Variants in CEP295 observed in about 807,000 individuals in gnomAD.
CEP295 encodes centrosomal protein of 295 kDa.
Under a neutral mutation model 291.6 loss-of-function variants are expected in CEP295, and 190 were observed. That is an observed-to-expected ratio of 0.65 (90% CI 0.58 to 0.73). CEP295 has a LOEUF of 0.73. CEP295 is among the 30% of genes least tolerant of loss of function. The probability of loss-of-function intolerance (pLI) is 0.00; values close to 1 mark genes in which losing one functional copy is unlikely to be tolerated. For synonymous variants in CEP295, 993 were observed against 1,038.8 expected, an observed-to-expected ratio of 0.96 and a Z score of 0.85; for missense variants, 2,863 against 2,949.4, an observed-to-expected ratio of 0.97 and a Z score of 0.68.
Position 93,729,978 on chromosome 11 carries a change from A to AT in CEP295, c.7667+9_7667+10insT. On this transcript the variant is annotated intron_variant, in intron 28 of 29. Coordinates refer to ENST00000325212, the MANE Select transcript of CEP295 (RefSeq NM_033395.2). Reference sequence around the variant, plus strand: ...CACCAAAGGGGTCTAAGGTAGGGTTAATTTTTTTTTTTTTTTTAGTGATTC... The same window carrying AT: ...CACCAAAGGGGTCTAAGGTAGGGTTATATTTTTTTTTTTTTTTTAGTGATTC... 1.4e-6 allele frequency: 2 copies of AT among 1,443,764 alleles called. No homozygotes were observed. Among genetic ancestry groups the AT allele is most frequent in the South Asian group, 1.3e-5 (1 of 75,588 alleles). 89.4% of individuals were successfully genotyped at this position (1,443,764 alleles called of 1,614,324 possible). A position where few individuals can be genotyped will look rare whatever the true frequency, so the allele number is the denominator to read the frequency against.
intron 2 of CEP295, 91 bp from the exon 3 acceptor site, chr11:93,667,516 G>T (rs1402265492): frequency 7.0e-6 from 6 of 851,152 alleles, no homozygotes; most frequent in Admixed American, 3.1e-5. Flanking sequence ...AGACTTAAGA[G>T]AATTCATTTG....
Position 93,698,701 on chromosome 11 carries a change from G to C in CEP295, c.3789G>C (p.Trp1263Cys). The C allele has an allele frequency of 6.4e-7, 1 of 1,551,144 alleles. No individual in the cohort carries two copies. The highest frequency in any genetic ancestry group is 8.7e-7 in the Non-Finnish European group (1 of 1,147,062). Residue 1263 changes from tryptophan (W) to cysteine (C), a missense_variant, in exon 15 of 30, where the codon TGG (tryptophan) becomes TGC (cysteine). By Grantham distance (215) the Trp-to-Cys change is radical. This residue lies in a region of CEP295 where 2,295 missense variants were observed against 2,335.7 expected (regional missense o/e 0.98). Coordinates refer to ENST00000325212, the MANE Select transcript of CEP295 (RefSeq NM_033395.2). ...LQDNLEEHQA[W>C]LDTEKEAFHF... ...ATAATTTGGAGGAACACCAAGCATG[G>C]CTAGACACTGAGAAAGAAGCCTTTC...
chr11:93,670,666 C>T (rs1336893300), intron 5 of CEP295, among the ~76,000 whole-genome samples: 1 of 152,064 alleles, frequency 6.6e-6, no homozygotes, highest in Non-Finnish European at 1.5e-5. Context: ...AACATTTGAT[C>T]CAACAAAATT....
rs573988986 is a variant in CEP295 at position 93,706,729 on chromosome 11, A to AT, written c.5597-10dup. Reference sequence around the variant, plus strand: ...TAGTTCCAGAAATTGAAGTGGAAATATTTTTTCCCCCCCAGGTAAACCAGG... The same window carrying AT: ...TAGTTCCAGAAATTGAAGTGGAAATATTTTTTTCCCCCCCAGGTAAACCAGG... On this transcript the variant is annotated splice_polypyrimidine_tract_variant and intron_variant, in intron 17 of 29. Transcript: ENST00000325212. 2 of 1,502,210 alleles carry AT rather than the reference A, an allele frequency of 1.3e-6. No individual in the cohort carries two copies. Among genetic ancestry groups the AT allele is most frequent in the South Asian group, 1.3e-5 (1 of 77,170 alleles). The allele number at this position is 1,502,210 out of a possible 1,614,324, so 93.1% of individuals were successfully genotyped here.
rs759151304 is a variant in CEP295 at position 93,721,393 on chromosome 11, C to G, written c.5831C>G (p.Thr1944Ser). 1.9e-6 allele frequency: 3 copies of G among 1,589,570 alleles called. No individual in the cohort carries two copies. The Admixed American group carries it at 5.2e-5, about 28-fold the overall frequency. Residue 1944 changes from threonine (T) to serine (S), a missense_variant, in exon 19 of 30, where the codon ACT (threonine) becomes AGT (serine). Coordinates refer to ENST00000325212, the MANE Select transcript of CEP295 (RefSeq NM_033395.2). ...GAAGAACATGCATATTTGGGTCCAA[C>G]TGTGAAGCCAGATGATAAGGTTAGT... Reference protein sequence around the residue: ...VEEEHAYLGPTVKPDDKAKTL... With the variant: ...VEEEHAYLGPSVKPDDKAKTL...
At chr11:93,688,049 A>G (rs189370560) in intron 10 of CEP295, among the ~76,000 whole-genome samples, 184 bp downstream of exon 10, 17 of 152,314 alleles carry the variant, frequency 1.1e-4, no homozygotes, top group Admixed American at 5.9e-4. Flanking sequence ...TTAATCTAGT[A>G]TAGTTATTTA....
chr11:93,705,029 C>CT (rs1392824767), intron 17 of CEP295, among the ~76,000 whole-genome samples: 1 of 152,046 alleles, frequency 6.6e-6, no homozygotes, highest in Non-Finnish European at 1.5e-5. Flanking sequence ...TTTTTCTAAA[C>CT]TTTTTTTCAT....
At chr11:93,726,825 C>T (rs770081645) in intron 23 of CEP295, 151 bp from the exon 24 acceptor site, 25 of 538,298 alleles carry the variant, frequency 4.6e-5, no homozygotes, top group Non-Finnish European at 7.4e-5. Context: ...TGTGACCATC[C>T]TTATCTTTGT....
intron 20 of CEP295, chr11:93,722,366 G>T: frequency 4.0e-6 from 1 of 253,036 alleles, no homozygotes; most frequent in Non-Finnish European, 7.7e-6. Context: ...GGAGGCTGAG[G>T]TGAGGGGATC....
rs567936204 is a variant in CEP295, at chr11:93,675,077, T to C, written c.529-494T>C. 5.3e-5 allele frequency among the ~76,000 whole-genome samples: 8 copies of C among 152,318 alleles called. No homozygotes were observed. In the South Asian group the frequency reaches 1.7e-3, roughly 32 times the overall value. Reference sequence around the variant, plus strand: ...GAGAGTTGTTTTGTTCTGGAGTAAGTGTAATTTAAATATATTGGCAAGTGT... The same window carrying C: ...GAGAGTTGTTTTGTTCTGGAGTAAGCGTAATTTAAATATATTGGCAAGTGT... On this transcript the variant is annotated intron_variant, in intron 5 of 29. Coordinates refer to ENST00000325212, the MANE Select transcript of CEP295 (RefSeq NM_033395.2).
intron 10 of CEP295, among the ~76,000 whole-genome samples, chr11:93,690,683 T>G (rs896422180): frequency 7.7e-6 from 1 of 129,660 alleles, no homozygotes; most frequent in Non-Finnish European, 1.5e-5. Context: ...TGAGCTGAGA[T>G]CGCACCACTG....
intron 5 of CEP295, among the ~76,000 whole-genome samples, chr11:93,670,888 CT>C (rs77526878): frequency 0.35 from 53,761 of 151,794 alleles, 10,029 homozygotes; most frequent in South Asian, 0.49. Context: ...CTATTTAGTT[CT>C]TTTTTTCTTT....
Position 93,699,477 on chromosome 11 carries a change from T to C in CEP295, c.4565T>C (p.Ile1522Thr), listed in dbSNP as rs1173984733. The part of the protein sequence containing the change: ...LDTQKKAIRS[I>T]QEVQEELLLQ... ...ACACAGAAGAAAGCCATTCGATCTA[T>C]ACAGGAAGTCCAAGAAGAATTGCTT... Residue 1522 changes from isoleucine (I) to threonine (T), a missense_variant, in exon 15 of 30, where the codon ATA becomes ACA. Ile to Thr is a moderately conservative substitution (Grantham distance 89). This residue lies in a region of CEP295 where 2,295 missense variants were observed against 2,335.7 expected (regional missense o/e 0.98). Coordinates refer to ENST00000325212, the MANE Select transcript of CEP295 (RefSeq NM_033395.2). 1.3e-6 allele frequency: 2 copies of C among 1,551,758 alleles called. No individual in the cohort carries two copies. The highest frequency in any genetic ancestry group is 2.0e-5 in the Admixed American group (1 of 51,002).
intron 21 of CEP295, 192 bp from the exon 22 acceptor site, chr11:93,724,062 A>G: frequency 2.3e-6 from 1 of 436,674 alleles, no homozygotes; most frequent in Non-Finnish European, 4.0e-6. Flanking sequence ...CTTTGAAATA[A>G]TCATGATAGG....
chr11:93,669,440 CA>C (rs1950334001), intron 4 of CEP295, among the ~76,000 whole-genome samples: 1 of 144,172 alleles, frequency 6.9e-6, no homozygotes, highest in African/African-American at 2.6e-5. Context: ...CTCTAAAGAA[CA>C]TTATAAGTTT....
chr11:93,698,171 A>T lies in CEP295; in HGVS notation c.3259A>T (p.Arg1087Ter). The change falls in exon 15 of 30, where the codon AGA (arginine) becomes TGA (stop). Residue 1087 changes from arginine (R) to a stop codon, truncating the protein, a stop_gained. Coordinates refer to ENST00000325212, the MANE Select transcript of CEP295 (RefSeq NM_033395.2). LOFTEE classifies it high-confidence loss of function. ...AQVELLLHRQ[R>*]DLGDSKSGLV... ...GGTGGAATTACTTTTACATAGACAAAGAGATTTGGGGGACAGTAAGTCTGG... is the reference window on the plus strand; with the variant it reads ...GGTGGAATTACTTTTACATAGACAATGAGATTTGGGGGACAGTAAGTCTGG... 6.4e-7 allele frequency: 1 copy of T among 1,552,118 alleles called. No homozygotes were observed. Among genetic ancestry groups the T allele is most frequent in the Non-Finnish European group, 8.7e-7 (1 of 1,147,068 alleles).
intron 12 of CEP295, among the ~76,000 whole-genome samples, 192 bp downstream of exon 12, chr11:93,692,222 G>T (rs191862851): frequency 2.2e-4 from 33 of 152,172 alleles, no homozygotes; most frequent in Non-Finnish European, 3.1e-4. Flanking sequence ...CCCTTATTGT[G>T]TCTGCTTTAT....
Position 93,729,665 on chromosome 11 carries a change from TAA to T in CEP295, c.7453_7454del (p.Lys2485GlufsTer19). The stretch of plus-strand genomic sequence containing the variant: ...CCAGGGAGCTTACAAGAAGCATTTA[TAA>T]AGAGGAAAAAATCATTTATGGAGAG... On this transcript the variant is annotated frameshift_variant, in exon 27 of 30. Transcript: ENST00000325212. LOFTEE classifies it high-confidence loss of function. The T allele has an allele frequency of 4.5e-6, 7 of 1,550,912 alleles. No individual in the cohort carries two copies. Among genetic ancestry groups the T allele is most frequent in the Non-Finnish European group, 6.1e-6 (7 of 1,146,736 alleles).
chr11:93,706,712 G>A, intron 17 of CEP295, 33 bp from the exon 18 acceptor site: 16 of 1,487,030 alleles, frequency 1.1e-5, no homozygotes, highest in Non-Finnish European at 1.4e-5. Flanking sequence ...AATAGTTCCA[G>A]AAATTGAAGT....
Sources: allele counts gnomAD v4.1 joint callset (sites outside exome capture counted in the v4.1 genomes callset), GRCh38; gene constraint gnomAD v4.1.1; regional missense constraint gnomAD v4.1.1; transcripts MANE v1.5; gene names NCBI Gene and HGNC (gene_info 2026-07-23, HGNC 2026-07-21).